PAFAH1B1: variants seen among roughly 807,000 people sequenced by gnomAD.
The protein encoded by PAFAH1B1 is platelet activating factor acetylhydrolase 1b regulatory subunit 1, also known as platelet-activating factor acetylhydrolase IB subunit beta.
A neutral mutation model predicts 57.5 loss-of-function variants in PAFAH1B1; 2 were observed. The observed-to-expected ratio is 0.03, with a 90% CI of 0.01 to 0.11. The LOEUF (loss-of-function observed/expected upper bound fraction) is 0.11, where lower values mean the gene tolerates loss of function less well. Among genes scored for constraint, PAFAH1B1 ranks in the 10% least tolerant of loss-of-function variants. PAFAH1B1 has a pLI of 1.00. For missense variants in PAFAH1B1, 257 were observed against 512.0 expected, an observed-to-expected ratio of 0.50 and a Z score of 4.81; for synonymous variants, 152 against 169.6, an observed-to-expected ratio of 0.90 and a Z score of 0.81.
At chr17:2,658,591 T>A (rs180716933) in intron 2 of PAFAH1B1, among the ~76,000 whole-genome samples, 2 of 152,190 alleles carry the variant, frequency 1.3e-5, no homozygotes, top group Non-Finnish European at 1.5e-5. Context: ...TGAAAAGAAA[T>A]GGAATCGAGC....
intron 2 of PAFAH1B1, among the ~76,000 whole-genome samples, chr17:2,648,600 C>G (rs2068804742): frequency 6.6e-6 from 1 of 151,660 alleles, no homozygotes; most frequent in African/African-American, 2.4e-5. Flanking sequence ...CTCTCATGAG[C>G]CCAGGGGGCA....
intron 1 of PAFAH1B1, among the ~76,000 whole-genome samples, chr17:2,601,177 C>T (rs1388958287): frequency 6.6e-6 from 1 of 152,088 alleles, no homozygotes; most frequent in Non-Finnish European, 1.5e-5. Flanking sequence ...TCTTGTCGCC[C>T]AGGCTGGAGT....
intron 1 of PAFAH1B1, among the ~76,000 whole-genome samples, chr17:2,637,331 G>A (rs1208569516): frequency 1.3e-5 from 2 of 152,040 alleles, no homozygotes; most frequent in Non-Finnish European, 2.9e-5. Flanking sequence ...GAGAGCATAA[G>A]ATTCCAGCAC....
At chr17:2,631,630 G>A (rs779571977) in intron 1 of PAFAH1B1, among the ~76,000 whole-genome samples, 6 of 152,204 alleles carry the variant, frequency 3.9e-5, no homozygotes, top group Non-Finnish European at 8.8e-5. Context: ...TAGTGGGGGT[G>A]TGTGCTCAGG....
chr17:2,667,447 A>G (rs1456421115), intron 5 of PAFAH1B1: 6 of 419,796 alleles, frequency 1.4e-5, no homozygotes, highest in African/African-American at 6.1e-5. Context: ...CTAAATCTTA[A>G]AAGACAGAAT....
chr17:2,667,406 C>T (rs535674185), intron 5 of PAFAH1B1: 1 of 518,244 alleles, frequency 1.9e-6, no homozygotes, highest in African/African-American at 2.0e-5. Flanking sequence ...TGAAGAGGGA[C>T]AGGAGGTACT....
At chr17:2,593,506 C>CCCCGG (rs1384990671), upstream of PAFAH1B1, among the ~76,000 whole-genome samples, 9 of 151,338 alleles carry the variant, frequency 5.9e-5, no homozygotes, top group East Asian at 1.9e-4. Flanking sequence ...GGCAGCGCGG[C>CCCCGG]CCCGGCCCGG....
chr17:2,620,147 G>A (rs760831159), intron 1 of PAFAH1B1, among the ~76,000 whole-genome samples: 14 of 152,074 alleles, frequency 9.2e-5, no homozygotes, highest in South Asian at 2.1e-4. Flanking sequence ...AAGAAAGTGC[G>A]TAATCTCTTA....
chr17:2,647,689 C>T (rs954199185), intron 2 of PAFAH1B1, among the ~76,000 whole-genome samples: 8 of 152,078 alleles, frequency 5.3e-5, no homozygotes, highest in African/African-American at 1.9e-4. Flanking sequence ...TAAAAACATA[C>T]CCAAGACAGG....
At chr17:2,604,449 A>G (rs890325451) in intron 1 of PAFAH1B1, among the ~76,000 whole-genome samples, 3 of 152,036 alleles carry the variant, frequency 2.0e-5, no homozygotes, top group Admixed American at 6.6e-5. Context: ...CATTTAGGCT[A>G]TTTCAGGGCC....
chr17:2,612,242 C>T (rs1312154431), intron 1 of PAFAH1B1, among the ~76,000 whole-genome samples: 2 of 144,878 alleles, frequency 1.4e-5, no homozygotes, highest in South Asian at 2.2e-4. Context: ...TGAGTCTCAT[C>T]GCCCAGGCTG....
At chr17:2,639,249 T>C (rs1256172604) in intron 2 of PAFAH1B1, 2 of 152,210 alleles carry the variant, frequency 1.3e-5, no homozygotes, top group African/African-American at 4.8e-5. Context: ...AGGTGCTTCA[T>C]AGCTCCTCTA....
intron 1 of PAFAH1B1, among the ~76,000 whole-genome samples, chr17:2,605,166 A>G (rs1288075494): frequency 6.6e-6 from 1 of 152,220 alleles, no homozygotes; most frequent in Non-Finnish European, 1.5e-5. Flanking sequence ...CAGTGACATT[A>G]AATGTTGTTG....
At chr17:2,656,802 T>C (rs2068941782) in intron 2 of PAFAH1B1, among the ~76,000 whole-genome samples, 1 of 152,222 alleles carries the variant, frequency 6.6e-6, no homozygotes, top group Admixed American at 6.5e-5. Context: ...CTGACACTTC[T>C]GATAAATAGG....
chr17:2,683,878 C>A lies in PAFAH1B1; in HGVS notation c.*2076C>A, dbSNP rs1016232010. The A allele has an allele frequency of 6.6e-6, 1 of 152,574 alleles. No individual in the cohort carries two copies. Among genetic ancestry groups the A allele is most frequent in the Non-Finnish European group, 1.5e-5 (1 of 68,036 alleles). 9.5% of individuals were successfully genotyped at this position (152,574 alleles called of 1,614,324 possible). ...TGGTGCATCTTAACATTTGTTTGTA[C>A]ATGTATAAATGTCTTGTATTTTAAT... is the stretch of plus-strand genomic sequence containing the variant. On this transcript the variant is annotated 3_prime_UTR_variant, in exon 11 of 11. Transcript: ENST00000397195.
At chr17:2,602,772 C>T (rs921813348) in intron 1 of PAFAH1B1, among the ~76,000 whole-genome samples, 5 of 152,182 alleles carry the variant, frequency 3.3e-5, no homozygotes, top group East Asian at 1.9e-4. Flanking sequence ...CTTACTAATA[C>T]GCCAGGCTCT....
chr17:2,638,639 C>G (rs1417320967), intron 2 of PAFAH1B1: 1 of 280,206 alleles, frequency 3.6e-6, no homozygotes, highest in African/African-American at 2.2e-5. Context: ...TCCCAAGTAG[C>G]TGGGATTACA....
At chr17:2,657,742 T>C (rs1471854145) in intron 2 of PAFAH1B1, among the ~76,000 whole-genome samples, 2 of 152,178 alleles carry the variant, frequency 1.3e-5, no homozygotes, top group African/African-American at 2.4e-5. Context: ...TTTCATAGAC[T>C]TCAGTAGCTT....
intron 2 of PAFAH1B1, 38 bp downstream of exon 2, chr17:2,638,358 C>T: frequency 1.3e-6 from 2 of 1,567,674 alleles, no homozygotes; most frequent in African/African-American, 2.7e-5. Context: ...AAAAATCTCC[C>T]TCATGAGAGA....
Sources: allele counts gnomAD v4.1 joint callset (sites outside exome capture counted in the v4.1 genomes callset), GRCh38; gene constraint gnomAD v4.1.1; transcripts MANE v1.5; gene names NCBI Gene and HGNC (gene_info 2026-07-23, HGNC 2026-07-21).